HPSE2: variants seen among roughly 807,000 people sequenced by gnomAD.
The protein encoded by HPSE2 is heparanase 2 (inactive), also known as inactive heparanase-2.
A neutral mutation model predicts 60.5 loss-of-function variants in HPSE2; 38 were observed. The ratio of observed to expected loss-of-function variants is 0.63; its 90% confidence interval spans 0.48 to 0.82. HPSE2 has a LOEUF of 0.82. Ranked by LOEUF, HPSE2 falls within the 40% of genes least tolerant of loss-of-function variation. HPSE2 has a pLI of 0.00. For missense variants in HPSE2, 713 were observed against 740.4 expected, an observed-to-expected ratio of 0.96 and a Z score of 0.43; for synonymous variants, 295 against 293.2, an observed-to-expected ratio of 1.01 and a Z score of -0.06.
chr10:98,495,842 A>T (rs1388787059), intron 9 of HPSE2, among the ~76,000 whole-genome samples: 3 of 152,166 alleles, frequency 2.0e-5, no homozygotes, highest in Non-Finnish European at 2.9e-5. Flanking sequence ...GTCTTTGCTT[A>T]GTAGATCTGC....
chr10:98,463,037 G>A (rs1400877730), intron 11 of HPSE2, among the ~76,000 whole-genome samples: 1 of 151,528 alleles, frequency 6.6e-6, no homozygotes, highest in Non-Finnish European at 1.5e-5. Flanking sequence ...AGTCTTCTGA[G>A]ACTTCTCCCC....
chr10:98,799,403 A>G lies in HPSE2; in HGVS notation c.611-55347T>C, dbSNP rs181778857. Among the ~76,000 whole-genome samples the G allele has an allele frequency of 9.9e-4, 151 of 152,298 alleles. 1 individual carries two copies. Among genetic ancestry groups the G allele is most frequent in the African/African-American group, 3.6e-3 (149 of 41,574 alleles). ...TCTCAGATGGAAAATCAAGAAGGAA[A>G]CATCGGACTTCATCTGCGCTATAGA... On this transcript the variant is annotated intron_variant, in intron 3 of 11. Transcript: ENST00000370552.
intron 9 of HPSE2, among the ~76,000 whole-genome samples, chr10:98,495,733 G>T: frequency 1.3e-5 from 2 of 151,526 alleles, no homozygotes; most frequent in Non-Finnish European, 1.5e-5. Context: ...TTTCTTTACA[G>T]GTTTTCTTTC....
At chr10:98,575,920 C>A (rs1278282576) in intron 9 of HPSE2, among the ~76,000 whole-genome samples, 2 of 152,034 alleles carry the variant, frequency 1.3e-5, no homozygotes, top group Admixed American at 1.3e-4. Context: ...TAAATAATTA[C>A]CTTGTAGAAT....
At chr10:98,806,902 GGGAGGCCGA>G (rs1361790720) in intron 3 of HPSE2, among the ~76,000 whole-genome samples, 3 of 152,154 alleles carry the variant, frequency 2.0e-5, no homozygotes, top group South Asian at 4.1e-4. Context: ...CCAGCACTTT[GGGAGGCCGA>G]GGCAGGCGAA....
intron 5 of HPSE2, among the ~76,000 whole-genome samples, chr10:98,701,835 T>C (rs941505631): frequency 6.6e-6 from 1 of 151,978 alleles, no homozygotes; most frequent in African/African-American, 2.4e-5. Context: ...AAAAAACCAG[T>C]ACCAGCCACT....
At chr10:98,971,171 T>A (rs1955942617) in intron 3 of HPSE2, among the ~76,000 whole-genome samples, 1 of 152,236 alleles carries the variant, frequency 6.6e-6, no homozygotes, top group Non-Finnish European at 1.5e-5. Context: ...TAATACTGAC[T>A]ACTACATGTG....
chr10:99,099,966 G>A (rs1323093655), intron 3 of HPSE2, among the ~76,000 whole-genome samples: 2 of 152,114 alleles, frequency 1.3e-5, no homozygotes, highest in African/African-American at 4.8e-5. Flanking sequence ...AAACAGAAAG[G>A]ACATTTACAC....
chr10:98,718,172 C>G (rs1948836918), intron 5 of HPSE2, among the ~76,000 whole-genome samples: 1 of 152,100 alleles, frequency 6.6e-6, no homozygotes, highest in Admixed American at 6.6e-5. Context: ...ACTGATATAA[C>G]TCTAAATAGT....
chr10:99,100,572 G>A (rs1843923075), intron 3 of HPSE2, among the ~76,000 whole-genome samples: 1 of 152,168 alleles, frequency 6.6e-6, no homozygotes, highest in Non-Finnish European at 1.5e-5. Flanking sequence ...CACTCTGCAG[G>A]ATATTAGCCA....
rs190842857 is a variant in HPSE2 at position 99,131,946 on chromosome 10, T to C, written c.610+12292A>G. The stretch of plus-strand genomic sequence containing the variant: ...GGCCAACATGATGAAACCCCATCTC[T>C]ACTAAAAATTTAAAAATTAGCCAGA... On this transcript the variant is annotated intron_variant, in intron 3 of 11. Transcript: ENST00000370552. Among the ~76,000 whole-genome samples the C allele has an allele frequency of 3.1e-3, 464 of 151,714 alleles. 6 individuals are homozygous for C. The highest frequency in any genetic ancestry group is 1.0e-3 in the South Asian group (5 of 4,820).
intron 2 of HPSE2, among the ~76,000 whole-genome samples, chr10:99,145,683 C>A (rs1935664): frequency 2.6e-5 from 4 of 151,682 alleles, no homozygotes; most frequent in African/African-American, 4.8e-5. Context: ...ACTGCTTTGC[C>A]ACTTTTGACA....
At chr10:98,890,674 C>A (rs190497362) in intron 3 of HPSE2, among the ~76,000 whole-genome samples, 18 of 151,882 alleles carry the variant, frequency 1.2e-4, no homozygotes, top group Admixed American at 1.0e-3. Context: ...AAGACAAAAC[C>A]CTTCCAGGTA....
chr10:98,621,292 A>G (rs1293302246), intron 7 of HPSE2, among the ~76,000 whole-genome samples: 1 of 152,046 alleles, frequency 6.6e-6, no homozygotes, highest in Non-Finnish European at 1.5e-5. Flanking sequence ...CACAGGGAAT[A>G]ATTGCATGCC....
Position 98,532,356 on chromosome 10 carries a change from A to G in HPSE2, c.1321-42160T>C, listed in dbSNP as rs115915642. ...GCCTATTGCTATAAAGGGAGTTGGG[A>G]ATGGGAAACTCATGGACCCTTGAAT... On this transcript the variant is annotated intron_variant, in intron 9 of 11. Transcript: ENST00000370552. Among the ~76,000 whole-genome samples the G allele has an allele frequency of 9.0e-3, 1,366 of 152,306 alleles. 14 individuals carry two copies. Among genetic ancestry groups the G allele is most frequent in the African/African-American group, 0.031 (1,300 of 41,560 alleles).
chr10:98,998,444 T>C (rs1349249820), intron 3 of HPSE2, among the ~76,000 whole-genome samples: 1 of 152,210 alleles, frequency 6.6e-6, no homozygotes, highest in Non-Finnish European at 1.5e-5. Context: ...ACGGATTTCT[T>C]CATGTGATTT....
At chr10:99,255,552 G>T in the HPSE2 span, among the ~76,000 whole-genome samples, 1 of 114,036 alleles carries the variant, frequency 8.8e-6, no homozygotes, top group African/African-American at 4.2e-5. Context: ...ACACATGCAC[G>T]CATGCACACA....
At chr10:99,100,524 C>T (rs951977985) in intron 3 of HPSE2, among the ~76,000 whole-genome samples, 28 of 152,256 alleles carry the variant, frequency 1.8e-4, no homozygotes, top group African/African-American at 6.5e-4. Context: ...GACTGGTGTA[C>T]CTGAAAGTGA....
chr10:99,234,739 T>C lies in HPSE2; in HGVS notation c.290+774A>G, dbSNP rs199954691. ...AGATCTCCGAAGCCTCCCTGGAGTA[T>C]TTCTAGGACTCTTACCGCTTCCCTT... is the stretch of plus-strand genomic sequence containing the variant. On this transcript the variant is annotated intron_variant, in intron 1 of 11. Coordinates refer to ENST00000370552, the MANE Select transcript of HPSE2 (RefSeq NM_021828.5). Among the ~76,000 whole-genome samples the C allele has an allele frequency of 3.9e-5, 6 of 152,110 alleles. No homozygotes were observed. In the East Asian group the frequency reaches 9.7e-4, roughly 25 times the overall value.
Sources: gnomAD v4.1 joint callset for allele counts (sites outside exome capture counted in the v4.1 genomes callset) on GRCh38, gnomAD v4.1.1 for gene constraint, MANE v1.5 for transcripts, NCBI Gene and HGNC (gene_info 2026-07-23, HGNC 2026-07-21) for gene names.